OSMR: variants seen among roughly 807,000 people sequenced by gnomAD.
OSMR encodes the protein oncostatin-M-specific receptor subunit beta.
OSMR carries 81 observed loss-of-function variants against 99.9 expected under a neutral mutation model. The observed-to-expected ratio is 0.81, with a 90% CI of 0.68 to 0.97. The LOEUF (loss-of-function observed/expected upper bound fraction) is 0.97, where lower values mean the gene tolerates loss of function less well. Ranked by LOEUF, OSMR falls within the 50% of genes least tolerant of loss-of-function variation. The pLI, the probability that OSMR is intolerant of heterozygous loss-of-function variation, is 0.00. For synonymous variants in OSMR, 406 were observed against 410.4 expected (o/e 0.99, Z 0.13); for missense variants, 1,099 against 1,153.4 (o/e 0.95, Z 0.68).
chr5:38,881,206 T>C (rs1743258133), intron 3 of OSMR, among the ~76,000 whole-genome samples: 1 of 152,098 alleles, frequency 6.6e-6, no homozygotes, highest in South Asian at 2.1e-4. Flanking sequence ...TTTTTTTTTT[T>C]TAAAGGATGA....
At chr5:38,853,829 C>A (rs937578337) in intron 1 of OSMR, among the ~76,000 whole-genome samples, 1 of 152,172 alleles carries the variant, frequency 6.6e-6, no homozygotes, top group East Asian at 1.9e-4. Flanking sequence ...GGTGGAAACA[C>A]TTAACCATTA....
chr5:38,860,787 C>T (rs1741227307), intron 1 of OSMR, among the ~76,000 whole-genome samples: 1 of 152,170 alleles, frequency 6.6e-6, no homozygotes, highest in Admixed American at 6.5e-5. Flanking sequence ...ATTCTACTGC[C>T]TCAGCCCCCT....
intron 4 of OSMR, among the ~76,000 whole-genome samples, chr5:38,883,423 C>A (rs534459239): frequency 1.3e-5 from 2 of 152,216 alleles, no homozygotes; most frequent in Non-Finnish European, 2.9e-5. Flanking sequence ...ACTGAGCAAA[C>A]TTTGGCTAAG....
intron 7 of OSMR, among the ~76,000 whole-genome samples, chr5:38,902,702 A>C (rs1025299076): frequency 6.6e-6 from 1 of 152,128 alleles, no homozygotes; most frequent in Non-Finnish European, 1.5e-5. Context: ...TTGAGAGCTT[A>C]CTGCTTATGT....
At chr5:38,909,426 A>G (rs960950568) in intron 9 of OSMR, among the ~76,000 whole-genome samples, 2 of 152,214 alleles carry the variant, frequency 1.3e-5, no homozygotes, top group Non-Finnish European at 2.9e-5. Flanking sequence ...TCCAAGACAT[A>G]GTCATCAGAT....
intron 3 of OSMR, among the ~76,000 whole-genome samples, chr5:38,880,061 A>T (rs1399397885): frequency 6.6e-6 from 1 of 152,172 alleles, no homozygotes; most frequent in East Asian, 1.9e-4. Flanking sequence ...AACATTTAAA[A>T]AAACACAGTC....
downstream of OSMR, chr5:38,940,142 AC>A (rs199913298): frequency 0.015 from 2,894 of 198,334 alleles, 36 homozygotes; most frequent in South Asian, 0.058. Context: ...AAAAAAAAAA[AC>A]AAAAAAAAAA....
chr5:38,883,709 T>G, intron 4 of OSMR, 118 bp from the exon 5 acceptor site: 1 of 1,569,512 alleles, frequency 6.4e-7, no homozygotes, highest in Admixed American at 1.8e-5. Flanking sequence ...TTTAGGTTGC[T>G]ATTTTCTCCA....
chr5:38,911,863 C>A (rs1300252507), intron 9 of OSMR, among the ~76,000 whole-genome samples: 2 of 152,102 alleles, frequency 1.3e-5, no homozygotes, highest in Non-Finnish European at 2.9e-5. Flanking sequence ...AATTCAATAT[C>A]CATTCATGTT....
intron 12 of OSMR, among the ~76,000 whole-genome samples, 193 bp downstream of exon 12, chr5:38,921,987 C>T (rs905037297): frequency 6.6e-6 from 1 of 152,154 alleles, no homozygotes; most frequent in Non-Finnish European, 1.5e-5. Context: ...TCTACTTTTG[C>T]AGAGAATATC....
chr5:38,853,947 G>C (rs1309672616), intron 1 of OSMR, among the ~76,000 whole-genome samples: 4 of 151,942 alleles, frequency 2.6e-5, no homozygotes, highest in Non-Finnish European at 5.9e-5. Flanking sequence ...TGAGGAGGAA[G>C]GGAATTGGAG....
At chr5:38,921,491 A>G (rs1746230908) in intron 11 of OSMR, 124 bp from the exon 12 acceptor site, 2 of 1,535,272 alleles carry the variant, frequency 1.3e-6, no homozygotes, top group Non-Finnish European at 1.8e-6. Context: ...ACCTGTAACT[A>G]TTGAAGTGGA....
intron 7 of OSMR, among the ~76,000 whole-genome samples, chr5:38,899,143 A>G (rs1744725167): frequency 6.6e-6 from 1 of 151,994 alleles, no homozygotes; most frequent in African/African-American, 2.4e-5. Context: ...TATTTCTAGT[A>G]GAGACAGGGT....
intron 7 of OSMR, among the ~76,000 whole-genome samples, chr5:38,889,567 T>A (rs1744018000): frequency 6.6e-6 from 1 of 152,190 alleles, no homozygotes; most frequent in South Asian, 2.1e-4. Context: ...TTCTCTAATA[T>A]CTTTTATCAC....
rs141625627 is a variant in OSMR at position 38,928,504 on chromosome 5, A to G, written c.2212+3133A>G. Reference sequence around the variant, plus strand: ...TCTTCACATGGCGGCAGGAGAGAGAAGTGCCGAGCAAAGGGGGAAAAGCCC... The same window carrying G: ...TCTTCACATGGCGGCAGGAGAGAGAGGTGCCGAGCAAAGGGGGAAAAGCCC... On this transcript the variant is annotated intron_variant, in intron 15 of 17. Coordinates refer to ENST00000274276, the MANE Select transcript of OSMR (RefSeq NM_003999.3). Among the ~76,000 whole-genome samples, 1,319 of 152,288 alleles carry G rather than the reference A, an allele frequency of 8.7e-3. 7 individuals carry two copies. Among genetic ancestry groups the G allele is most frequent in the Non-Finnish European group, 0.014 (960 of 68,016 alleles).
intron 9 of OSMR, among the ~76,000 whole-genome samples, chr5:38,911,484 T>G (rs357248): frequency 0.67 from 101,741 of 151,992 alleles, 34,886 homozygotes; most frequent in African/African-American, 0.83. Context: ...TCTGTCAGAG[T>G]TATAAAGAGC....
chr5:38,865,236 T>A (rs549919249), intron 1 of OSMR, among the ~76,000 whole-genome samples: 49 of 152,326 alleles, frequency 3.2e-4, no homozygotes, highest in Admixed American at 5.9e-4. Context: ...TTTCATAGAT[T>A]TCTTTTTCAT....
chr5:38,874,929 ATTG>A (rs1328065908), intron 2 of OSMR, among the ~76,000 whole-genome samples: 1 of 152,166 alleles, frequency 6.6e-6, no homozygotes, highest in Admixed American at 6.5e-5. Flanking sequence ...GCTCAATTTC[ATTG>A]TTGTTATTTT....
intron 1 of OSMR, among the ~76,000 whole-genome samples, chr5:38,863,305 C>G (rs909716219): frequency 6.0e-5 from 9 of 151,074 alleles, no homozygotes; most frequent in Admixed American, 2.0e-4. Flanking sequence ...CTTTGGGAGG[C>G]TGAGGCGGGC....
Sources: allele counts gnomAD v4.1 joint callset (sites outside exome capture counted in the v4.1 genomes callset), GRCh38; gene constraint gnomAD v4.1.1; transcripts MANE v1.5; gene names NCBI Gene and HGNC (gene_info 2026-07-23, HGNC 2026-07-21).